Variants in PYGB observed in about 807,000 individuals in gnomAD.
PYGB encodes glycogen phosphorylase B, also known as glycogen phosphorylase, brain form.
In PYGB, 82 loss-of-function variants were observed where a neutral mutation model predicts 94.3. The observed-to-expected ratio is 0.87, with a 90% CI of 0.73 to 1.04. PYGB has a LOEUF of 1.04. Among genes scored for constraint, PYGB ranks in the 50% least tolerant of loss-of-function variants. The pLI, the probability that PYGB is intolerant of heterozygous loss-of-function variation, is 0.00. For missense variants in PYGB, 1,132 were observed against 1,158.2 expected, an observed-to-expected ratio of 0.98 and a Z score of 0.33; for synonymous variants, 488 against 479.1, an observed-to-expected ratio of 1.02 and a Z score of -0.24.
chr20:25,290,323 T>C (rs1318346748), intron 15 of PYGB, among the ~76,000 whole-genome samples, 158 bp from the exon 16 acceptor site: 1 of 152,208 alleles, frequency 6.6e-6, no homozygotes, highest in Non-Finnish European at 1.5e-5. Flanking sequence ...GCTGGGGCCT[T>C]GGGGCCGGGG....
At chr20:25,266,543 C>G (rs1457803674) in intron 2 of PYGB, among the ~76,000 whole-genome samples, 1 of 152,090 alleles carries the variant, frequency 6.6e-6, no homozygotes, top group African/African-American at 2.4e-5. Flanking sequence ...AAAATAGATA[C>G]ATTGGACTTC....
intron 9 of PYGB, among the ~76,000 whole-genome samples, 169 bp from the exon 10 acceptor site, chr20:25,280,097 C>T (rs1438654921): frequency 1.3e-5 from 2 of 152,244 alleles, no homozygotes; most frequent in Non-Finnish European, 1.5e-5. Flanking sequence ...GGCTGCGTGT[C>T]AGGCTTTCAG....
At chr20:25,255,315 G>A (rs1335476050) in intron 1 of PYGB, among the ~76,000 whole-genome samples, 2 of 152,220 alleles carry the variant, frequency 1.3e-5, no homozygotes, top group Non-Finnish European at 2.9e-5. Flanking sequence ...ACAGGACCTC[G>A]GTTCCCCTGG....
At chr20:25,265,687 C>T (rs1052296379) in intron 2 of PYGB, among the ~76,000 whole-genome samples, 8 of 151,532 alleles carry the variant, frequency 5.3e-5, no homozygotes, top group African/African-American at 1.2e-4. Flanking sequence ...CTTCACCTCC[C>T]GGGTTCACAC....
Position 25,290,519 on chromosome 20 carries a change from G to A in PYGB, c.1866G>A (p.Lys622=). The change falls in exon 16 of 20, where the codon AAG becomes AAA. Residue 622 remains lysine, a synonymous_variant. Coordinates refer to ENST00000216962, the MANE Select transcript of PYGB (RefSeq NM_002862.4). ...PGYHMAKLII[K]LVTSIGDVVN... is the part of the protein sequence containing the mutation. ...ACCACATGGCCAAGCTGATCATCAA[G>A]TTGGTCACCTCCATCGGCGACGTCG... is the stretch of plus-strand genomic sequence containing the variant. 1 of 1,611,566 alleles carries A rather than the reference G, an allele frequency of 6.2e-7. No homozygotes were observed. Among genetic ancestry groups the A allele is most frequent in the Non-Finnish European group, 8.5e-7 (1 of 1,177,770 alleles).
At chr20:25,250,907 C>A (rs1442447294) in intron 1 of PYGB, 2 of 152,232 alleles carry the variant, frequency 1.3e-5, no homozygotes, top group Non-Finnish European at 2.9e-5. Context: ...TAACCCACTT[C>A]TATCGCCCAC....
rs533668348 is a variant in PYGB, at chr20:25,272,597, G to A, written c.528+1111G>A. On this transcript the variant is annotated intron_variant, in intron 4 of 19. Coordinates refer to ENST00000216962, the MANE Select transcript of PYGB (RefSeq NM_002862.4). Reference sequence around the variant, plus strand: ...GGGTGCATAATGTTTCTGCATGTTTGAAAACGCTCATAATAAAATGTTGGT... The same window carrying A: ...GGGTGCATAATGTTTCTGCATGTTTAAAAACGCTCATAATAAAATGTTGGT... 1.9e-4 allele frequency among the ~76,000 whole-genome samples: 29 copies of A among 152,344 alleles called. No homozygotes were observed. In the South Asian group the frequency reaches 5.8e-3, roughly 30 times the overall value.
chr20:25,284,600 A>G (rs979127342), intron 14 of PYGB, among the ~76,000 whole-genome samples: 1 of 152,132 alleles, frequency 6.6e-6, no homozygotes, highest in Non-Finnish European at 1.5e-5. Flanking sequence ...ATGCCCTTGT[A>G]TTTTTTGTAG....
Position 25,289,893 on chromosome 20 carries a change from T to C in PYGB, c.1828-588T>C, listed in dbSNP as rs767331823. On this transcript the variant is annotated intron_variant, in intron 15 of 19. Transcript: ENST00000216962. ...CCACCATCCGTCACACCTAAAGCATTGGACAGGAGTCCTCCGTGTCCTGAA... is the reference window on the plus strand; with the variant it reads ...CCACCATCCGTCACACCTAAAGCATCGGACAGGAGTCCTCCGTGTCCTGAA... The C allele has an allele frequency of 1.7e-5, 9 of 533,410 alleles. No individual in the cohort carries two copies. The Admixed American group carries it at 1.7e-4, about 10-fold the overall frequency. The allele number at this position is 533,410 out of a possible 1,614,324, so 33.0% of individuals were successfully genotyped here.
chr20:25,260,796 C>G (rs1377029324), intron 2 of PYGB, among the ~76,000 whole-genome samples: 1 of 152,212 alleles, frequency 6.6e-6, no homozygotes, highest in Non-Finnish European at 1.5e-5. Context: ...TCCACTTTTC[C>G]AACGGTCTTA....
chr20:25,251,792 C>A (rs1246032205), intron 1 of PYGB, among the ~76,000 whole-genome samples: 1 of 152,214 alleles, frequency 6.6e-6, no homozygotes, highest in Non-Finnish European at 1.5e-5. Flanking sequence ...TGAGACTCTT[C>A]CCATAAGCTC....
At position 25,276,646 on chromosome 20, in the gene PYGB, G is replaced by C; in HGVS notation, c.661G>C (p.Val221Leu). 6.2e-7 allele frequency: 1 copy of C among 1,612,426 alleles called. No homozygotes were observed. Among genetic ancestry groups the C allele is most frequent in the Non-Finnish European group, 8.5e-7 (1 of 1,178,746 alleles). The change falls in exon 6 of 20, where the codon GTG (valine) becomes CTG (leucine). Residue 221 changes from valine to leucine, a missense_variant and splice_region_variant. By Grantham distance (32) the Val-to-Leu change is conservative. Coordinates refer to ENST00000216962, the MANE Select transcript of PYGB (RefSeq NM_002862.4). ...PDGVKWLDTQVVLAMPYDTPV... is the reference protein window; with the variant it reads ...PDGVKWLDTQLVLAMPYDTPV... ...CCTGAGCAACCCGTTTTGTGGCCAG[G>C]TGGTGCTGGCCATGCCCTACGACAC... is the stretch of plus-strand genomic sequence containing the variant.
intron 15 of PYGB, among the ~76,000 whole-genome samples, chr20:25,290,234 C>T (rs2088453690): frequency 1.3e-5 from 2 of 151,390 alleles, no homozygotes; most frequent in South Asian, 2.1e-4. Context: ...GAAAACCTAA[C>T]AACAACCAGA....
rs201995865 is a variant in PYGB, at chr20:25,248,127, G to C, written c.-52G>C. 50 of 1,520,962 alleles carry C rather than the reference G, an allele frequency of 3.3e-5. No homozygotes were observed. The South Asian group carries it at 5.8e-4, about 18-fold the overall frequency. The allele number at this position is 1,520,962 out of a possible 1,614,324, so 94.2% of individuals were successfully genotyped here. On this transcript the variant is annotated 5_prime_UTR_variant, in exon 1 of 20. Coordinates refer to ENST00000216962, the MANE Select transcript of PYGB (RefSeq NM_002862.4). ...GCAGCTGCACCATCCCGGCGTTCGC[G>C]TGTGCCGCCGCTTTCCTCCTCCATC...
chr20:25,248,419 A>G lies in PYGB; in HGVS notation c.241A>G (p.Lys81Glu). The change falls in exon 1 of 20, where the codon AAG (lysine) becomes GAG (glutamate). Residue 81 changes from lysine to glutamate, a missense_variant and splice_region_variant. Coordinates refer to ENST00000216962, the MANE Select transcript of PYGB (RefSeq NM_002862.4). ...GCAGCACTACTACGAGCGCGACCCC[A>G]AGGTGAGGCGCTGCCCCGCCCTGTG... ...TQQHYYERDP[K>E]RIYYLSLEFY... 1 of 1,518,684 alleles carries G rather than the reference A, an allele frequency of 6.6e-7. No homozygotes were observed. The highest frequency in any genetic ancestry group is 8.8e-7 in the Non-Finnish European group (1 of 1,130,094). The allele number at this position is 1,518,684 out of a possible 1,614,324, so 94.1% of individuals were successfully genotyped here.
chr20:25,258,217 C>T (rs888916168), intron 1 of PYGB, among the ~76,000 whole-genome samples: 1 of 152,122 alleles, frequency 6.6e-6, no homozygotes, highest in Admixed American at 6.5e-5. Context: ...ACTTTATGGA[C>T]CTCACCGACG....
Position 25,282,061 on chromosome 20 carries a change from G to A in PYGB, c.1432G>A (p.Glu478Lys). The A allele has an allele frequency of 6.2e-7, 1 of 1,614,026 alleles. No individual in the cohort carries two copies. Among genetic ancestry groups the A allele is most frequent in the Non-Finnish European group, 8.5e-7 (1 of 1,179,904 alleles). ...VFKDFYELEPEKFQNKTNGIT... is the reference protein window; with the variant it reads ...VFKDFYELEPKKFQNKTNGIT... ...TAAGGATTTTTATGAACTGGAGCCA[G>A]AGAAGTTCCAGAATAAGACCAATGG... Residue 478 changes from glutamate to lysine, a missense_variant, in exon 12 of 20, where the codon GAG (glutamate) becomes AAG (lysine). Physicochemically the swap from Glu to Lys is moderately conservative, Grantham distance 56. Coordinates refer to ENST00000216962, the MANE Select transcript of PYGB (RefSeq NM_002862.4).
At chr20:25,257,104 A>G (rs2123516654) in intron 1 of PYGB, among the ~76,000 whole-genome samples, 1 of 152,316 alleles carries the variant, frequency 6.6e-6, no homozygotes, top group South Asian at 2.1e-4. Context: ...TTTCTTGGCC[A>G]GCTCCTCCAG....
intron 3 of PYGB, among the ~76,000 whole-genome samples, chr20:25,269,449 G>C (rs2088247084): frequency 6.6e-6 from 1 of 152,234 alleles, no homozygotes. Context: ...CATGGAGTAA[G>C]CTGGTGCTGG....
Sources: gnomAD v4.1 joint callset for allele counts (sites outside exome capture counted in the v4.1 genomes callset) on GRCh38, gnomAD v4.1.1 for gene constraint, MANE v1.5 for transcripts, NCBI Gene and HGNC (gene_info 2026-07-23, HGNC 2026-07-21) for gene names.